The following RIMS4 variants were observed in gnomAD, a reference collection of about 807,000 sequenced individuals.
The protein encoded by RIMS4 is regulating synaptic membrane exocytosis protein 4.
Under a neutral mutation model 29.0 loss-of-function variants are expected in RIMS4, and 9 were observed. The observed-to-expected ratio is 0.31, with a 90% CI of 0.19 to 0.54. RIMS4 has a LOEUF of 0.54. Ranked by LOEUF, RIMS4 falls within the 20% of genes least tolerant of loss-of-function variation. The probability of loss-of-function intolerance (pLI) is 0.94; values close to 1 mark genes in which losing one functional copy is unlikely to be tolerated. For synonymous variants in RIMS4, 130 were observed against 152.9 expected (o/e 0.85, Z 1.10); for missense variants, 193 against 365.7 (o/e 0.53, Z 3.85).
chr20:44,799,910 A>C (rs963091290), intron 1 of RIMS4, among the ~76,000 whole-genome samples: 1 of 152,160 alleles, frequency 6.6e-6, no homozygotes, highest in East Asian at 1.9e-4. Flanking sequence ...CTCTTAAGAC[A>C]CTTTCACTGT....
intron 1 of RIMS4, among the ~76,000 whole-genome samples, chr20:44,777,928 C>A (rs2066167514): frequency 1.3e-5 from 2 of 152,196 alleles, no homozygotes; most frequent in Admixed American, 1.3e-4. Flanking sequence ...GGCACCAAGG[C>A]CCCTGGCTCA....
Position 44,805,813 on chromosome 20 carries a change from C to A in RIMS4, c.97+4362G>T, listed in dbSNP as rs373110412. On this transcript the variant is annotated intron_variant, in intron 1 of 5. Coordinates refer to ENST00000372851, the MANE Select transcript of RIMS4 (RefSeq NM_182970.4). ...AACTCCAGTGAGGTCATTCCAGGTGCCTGGGGGTGTGGAGAGAAATCGGAA... is the reference window on the plus strand; with the variant it reads ...AACTCCAGTGAGGTCATTCCAGGTGACTGGGGGTGTGGAGAGAAATCGGAA... Among the ~76,000 whole-genome samples the A allele has an allele frequency of 5.7e-4, 85 of 149,934 alleles. 1 individual carries two copies. In the South Asian group the frequency reaches 0.018, roughly 31 times the overall value.
At chr20:44,764,257 C>CCATCCAT (rs1229010906) in intron 2 of RIMS4, among the ~76,000 whole-genome samples, 95 of 50,546 alleles carry the variant, frequency 1.9e-3, no homozygotes, top group East Asian at 2.8e-3. Context: ...CATCCATCCT[C>CCATCCAT]CCACAAACTC....
In RIMS4 at chr20:44,771,428, G is replaced by A. The variant is rs1009286233; in HGVS notation, c.98-15C>T. On this transcript the variant is annotated splice_polypyrimidine_tract_variant and intron_variant, in intron 1 of 5. Transcript: ENST00000372851. ...CCGGCTGTCCCCTTCTGGGCAAAGC[G>A]GCCAAGAGAGATGGGAAGAGAGACA... 29 of 1,601,646 alleles carry A rather than the reference G, an allele frequency of 1.8e-5. No homozygotes were observed. Among genetic ancestry groups the A allele is most frequent in the Admixed American group, 1.3e-4 (8 of 59,620 alleles).
At chr20:44,788,256 T>G (rs113431550) in intron 1 of RIMS4, among the ~76,000 whole-genome samples, 249 of 152,312 alleles carry the variant, frequency 1.6e-3, no homozygotes, top group African/African-American at 5.4e-3. Flanking sequence ...AAATTAAGAA[T>G]TCAGTCCTCA....
chr20:44,760,080 G>T (rs1305756060), intron 2 of RIMS4, among the ~76,000 whole-genome samples: 3 of 152,184 alleles, frequency 2.0e-5, no homozygotes, highest in African/African-American at 7.2e-5. Flanking sequence ...AGACTTGAAA[G>T]AATAGGTACA....
intron 2 of RIMS4, among the ~76,000 whole-genome samples, chr20:44,760,760 T>C (rs901922298): frequency 1.3e-5 from 2 of 152,226 alleles, no homozygotes; most frequent in African/African-American, 4.8e-5. Context: ...CAGGCACTAT[T>C]CTGGACACTT....
chr20:44,774,293 T>C (rs992719772), intron 1 of RIMS4, among the ~76,000 whole-genome samples: 3 of 152,198 alleles, frequency 2.0e-5, no homozygotes, highest in Admixed American at 1.3e-4. Flanking sequence ...GTCAACTCGA[T>C]TGGATTGAAG....
chr20:44,758,673 T>C (rs952272829), intron 2 of RIMS4, among the ~76,000 whole-genome samples: 1 of 152,208 alleles, frequency 6.6e-6, no homozygotes, highest in African/African-American at 2.4e-5. Flanking sequence ...AGACTGGGCC[T>C]CCAGCTCAGC....
chr20:44,809,200 A>G (rs528099720), intron 1 of RIMS4, among the ~76,000 whole-genome samples: 2 of 152,164 alleles, frequency 1.3e-5, no homozygotes, highest in Non-Finnish European at 2.9e-5. Context: ...TAGAGAATGA[A>G]GACTGGAACC....
At chr20:44,777,254 G>A (rs146513331) in intron 1 of RIMS4, among the ~76,000 whole-genome samples, 23 of 152,292 alleles carry the variant, frequency 1.5e-4, no homozygotes, top group African/African-American at 5.5e-4. Context: ...GCTTTAGGAT[G>A]TGTCCCCAAG....
At chr20:44,763,364 C>A (rs1261747960) in intron 2 of RIMS4, among the ~76,000 whole-genome samples, 1 of 152,190 alleles carries the variant, frequency 6.6e-6, no homozygotes, top group Non-Finnish European at 1.5e-5. Flanking sequence ...GCACAGAGGA[C>A]CTGCTGAGTG....
chr20:44,782,463 G>T (rs2066188737), intron 1 of RIMS4, among the ~76,000 whole-genome samples: 1 of 151,930 alleles, frequency 6.6e-6, no homozygotes, highest in Non-Finnish European at 1.5e-5. Context: ...TTTTAGTAGA[G>T]ATGGGGTTTC....
chr20:44,804,972 C>T (rs541217762), intron 1 of RIMS4, among the ~76,000 whole-genome samples: 99 of 152,240 alleles, frequency 6.5e-4, no homozygotes, highest in South Asian at 1.5e-3. Flanking sequence ...ACCTGATTTT[C>T]TAAGATCATT....
At chr20:44,769,037 A>G (rs1302428756) in intron 2 of RIMS4, among the ~76,000 whole-genome samples, 1 of 152,214 alleles carries the variant, frequency 6.6e-6, no homozygotes, top group Non-Finnish European at 1.5e-5. Context: ...AACTGGGCTC[A>G]GAGAGGTGAA....
intron 2 of RIMS4, among the ~76,000 whole-genome samples, chr20:44,768,566 CTTCT>C (rs1304480965): frequency 6.6e-6 from 1 of 152,214 alleles, no homozygotes; most frequent in Admixed American, 6.5e-5. Context: ...CCACCCATTC[CTTCT>C]GTGTCCCTAC....
chr20:44,793,422 G>A (rs541961516), intron 1 of RIMS4, among the ~76,000 whole-genome samples: 1 of 152,302 alleles, frequency 6.6e-6, no homozygotes, highest in South Asian at 2.1e-4. Context: ...CCAACCCTCA[G>A]CCATGGTCCA....
intron 1 of RIMS4, among the ~76,000 whole-genome samples, chr20:44,788,444 A>G (rs1394220501): frequency 6.6e-6 from 1 of 152,128 alleles, no homozygotes; most frequent in Non-Finnish European, 1.5e-5. Flanking sequence ...GGCTACTAGA[A>G]ATTAGATTTG....
At chr20:44,793,111 CTG>C (rs2066239991) in intron 1 of RIMS4, among the ~76,000 whole-genome samples, 1 of 152,142 alleles carries the variant, frequency 6.6e-6, no homozygotes, top group African/African-American at 2.4e-5. Flanking sequence ...CATATAAGCG[CTG>C]TGTCTGGACC....
Sources: allele counts gnomAD v4.1 joint callset (sites outside exome capture counted in the v4.1 genomes callset), GRCh38; gene constraint gnomAD v4.1.1; transcripts MANE v1.5; gene names NCBI Gene and HGNC (gene_info 2026-07-23, HGNC 2026-07-21).